COL13A1: variants seen among roughly 807,000 people sequenced by gnomAD.
COL13A1 encodes collagen type XIII alpha 1 chain, also known as collagen alpha-1(XIII) chain.
In COL13A1, 89 loss-of-function variants were observed where a neutral mutation model predicts 130.9. The observed-to-expected ratio is 0.68, with a 90% CI of 0.57 to 0.81. The LOEUF (loss-of-function observed/expected upper bound fraction) is 0.81, where lower values mean the gene tolerates loss of function less well. COL13A1 is among the 30% of genes least tolerant of loss of function. The probability of loss-of-function intolerance (pLI) is 0.00; values close to 1 mark genes in which losing one functional copy is unlikely to be tolerated. For synonymous variants in COL13A1, 402 were observed against 341.6 expected (o/e 1.18, Z -1.95); for missense variants, 879 against 934.6 (o/e 0.94, Z 0.78).
At chr10:69,819,971 G>A (rs1177769642) in intron 1 of COL13A1, among the ~76,000 whole-genome samples, 1 of 152,106 alleles carries the variant, frequency 6.6e-6, no homozygotes, top group African/African-American at 2.4e-5. Flanking sequence ...CCCTCTGACT[G>A]GAACACACTT....
intron 26 of COL13A1, among the ~76,000 whole-genome samples, chr10:69,926,311 C>T (rs2065349633): frequency 6.6e-6 from 1 of 152,220 alleles, no homozygotes; most frequent in Admixed American, 6.5e-5. Context: ...AGCTCCCGCT[C>T]CCCACCCTTT....
intron 2 of COL13A1, among the ~76,000 whole-genome samples, chr10:69,834,286 G>A (rs1849502663): frequency 6.6e-6 from 1 of 152,180 alleles, no homozygotes; most frequent in Non-Finnish European, 1.5e-5. Context: ...GTTCTTAACA[G>A]GTCACAGTCC....
At chr10:69,943,932 G>C (rs534603754) in intron 35 of COL13A1, among the ~76,000 whole-genome samples, 193 bp from the exon 36 acceptor site, 1 of 152,222 alleles carries the variant, frequency 6.6e-6, no homozygotes, top group African/African-American at 2.4e-5. Flanking sequence ...GGCATGGGGA[G>C]GTGCTCTCTC....
At chr10:69,934,324 C>A (rs1209751925) in intron 31 of COL13A1, among the ~76,000 whole-genome samples, 1 of 152,152 alleles carries the variant, frequency 6.6e-6, no homozygotes, top group African/African-American at 2.4e-5. Context: ...AAATGGTAAA[C>A]TTTTGTTAAA....
At chr10:69,923,533 A>G (rs2064954105) in intron 23 of COL13A1, among the ~76,000 whole-genome samples, 1 of 152,174 alleles carries the variant, frequency 6.6e-6, no homozygotes, top group African/African-American at 2.4e-5. Context: ...TGGGCCTAGG[A>G]GGGCCTGGCA....
intron 32 of COL13A1, among the ~76,000 whole-genome samples, chr10:69,936,304 G>T (rs1462612236): frequency 6.6e-6 from 1 of 152,190 alleles, no homozygotes; most frequent in East Asian, 1.9e-4. Flanking sequence ...TGAAGCAACA[G>T]ATGCTGGCCC....
chr10:69,844,740 C>T (rs1852541096), intron 2 of COL13A1, among the ~76,000 whole-genome samples: 1 of 152,186 alleles, frequency 6.6e-6, no homozygotes, highest in African/African-American at 2.4e-5. Flanking sequence ...CATGTTGGCC[C>T]GTCATACCTC....
intron 2 of COL13A1, among the ~76,000 whole-genome samples, chr10:69,850,156 G>A (rs1324495904): frequency 6.6e-6 from 1 of 151,990 alleles, no homozygotes; most frequent in African/African-American, 2.4e-5. Context: ...AGATCCAAAT[G>A]TCCATGGATG....
intron 24 of COL13A1, among the ~76,000 whole-genome samples, chr10:69,924,386 A>T (rs915868054): frequency 1.3e-5 from 2 of 151,996 alleles, no homozygotes; most frequent in Non-Finnish European, 2.9e-5. Context: ...TTTTTCATTT[A>T]TTCTCCATGG....
chr10:69,924,847 C>A, intron 24 of COL13A1, 116 bp from the exon 25 acceptor site: 1 of 1,038,754 alleles, frequency 9.6e-7, no homozygotes, highest in South Asian at 2.2e-5. Context: ...ACCTGCACTT[C>A]TATGGACTAA....
chr10:69,897,364 C>G, intron 13 of COL13A1: 1 of 1,176,316 alleles, frequency 8.5e-7, no homozygotes, highest in Non-Finnish European at 1.2e-6. Context: ...CTGTGGCTTC[C>G]CCAGGGAGGG....
At chr10:69,808,005 G>A (rs2763336) in intron 1 of COL13A1, among the ~76,000 whole-genome samples, 50,649 of 152,014 alleles carry the variant, frequency 0.33, 8,736 homozygotes, top group Non-Finnish European at 0.39. Flanking sequence ...TACTAGTGAC[G>A]GTTGGTGTTC....
intron 27 of COL13A1, 25 bp downstream of exon 27, chr10:69,927,135 C>T (rs1451207793): frequency 5.6e-6 from 9 of 1,604,986 alleles, no homozygotes; most frequent in Non-Finnish European, 5.9e-6. Flanking sequence ...TCCTGGCTTT[C>T]CTTGGGCACT....
chr10:69,865,128 G>T lies in COL13A1; in HGVS notation c.365-2670G>T, dbSNP rs1009007510. Among the ~76,000 whole-genome samples, 5 of 152,150 alleles carry T rather than the reference G, an allele frequency of 3.3e-5. No homozygotes were observed. In the East Asian group the frequency reaches 7.7e-4, roughly 23 times the overall value. On this transcript the variant is annotated intron_variant, in intron 2 of 40. Transcript: ENST00000645393. Reference sequence around the variant, plus strand: ...TGGGGAGTCAGGAGACTGAATGCCGGTCTCACCGCCATCACCTGCCCACAA... The same window carrying T: ...TGGGGAGTCAGGAGACTGAATGCCGTTCTCACCGCCATCACCTGCCCACAA...
At chr10:69,888,396 A>C in intron 9 of COL13A1, 66 bp downstream of exon 9, 2 of 1,574,612 alleles carry the variant, frequency 1.3e-6, no homozygotes, top group Non-Finnish European at 1.7e-6. Flanking sequence ...TCATTCTGCA[A>C]GATATTGAAT....
intron 13 of COL13A1, chr10:69,897,388 G>T: frequency 2.2e-6 from 3 of 1,358,216 alleles, no homozygotes; most frequent in East Asian, 2.5e-5. Flanking sequence ...GGAGAGGGGT[G>T]GGGAGCAGGG....
chr10:69,811,126 C>T (rs917488327), intron 1 of COL13A1, among the ~76,000 whole-genome samples: 33 of 152,352 alleles, frequency 2.2e-4, no homozygotes, highest in African/African-American at 7.0e-4. Flanking sequence ...CCCAGCCTTG[C>T]CTGCCTCCTC....
chr10:69,932,740 G>A, intron 31 of COL13A1, 136 bp downstream of exon 31: 1 of 644,358 alleles, frequency 1.6e-6, no homozygotes, highest in South Asian at 1.7e-5. Flanking sequence ...GTCAGGCACT[G>A]ATCCTCTGGA....
chr10:69,815,115 C>T lies in COL13A1; in HGVS notation c.295-7254C>T, dbSNP rs946551495. 2.0e-4 allele frequency among the ~76,000 whole-genome samples: 31 copies of T among 152,272 alleles called. No individual in the cohort carries two copies. The South Asian group carries it at 2.1e-3, about 10-fold the overall frequency. On this transcript the variant is annotated intron_variant, in intron 1 of 40. Transcript: ENST00000645393. ...TCATATCCCTATTTTGTAGATTCCC[C>T]CTGAAGGGACGTGCCAGGCTCAAGG...
Sources: allele counts gnomAD v4.1 joint callset (sites outside exome capture counted in the v4.1 genomes callset), GRCh38; gene constraint gnomAD v4.1.1; transcripts MANE v1.5; gene names NCBI Gene and HGNC (gene_info 2026-07-23, HGNC 2026-07-21).